Variants in STXBP5L observed in about 807,000 individuals in gnomAD.
The protein encoded by STXBP5L is syntaxin-binding protein 5-like.
Under a neutral mutation model 144.5 loss-of-function variants are expected in STXBP5L, and 65 were observed. The observed-to-expected ratio is 0.45, with a 90% CI of 0.37 to 0.55. The LOEUF (loss-of-function observed/expected upper bound fraction) is 0.55, where lower values mean the gene tolerates loss of function less well. STXBP5L is among the 20% of genes least tolerant of loss of function. The probability of loss-of-function intolerance (pLI) is 0.00; values close to 1 mark genes in which losing one functional copy is unlikely to be tolerated. For synonymous variants in STXBP5L, 505 were observed against 469.6 expected (o/e 1.08, Z -0.97); for missense variants, 1,298 against 1,405.5 (o/e 0.92, Z 1.22).
chr3:120,982,876 A>T (rs1456376162), intron 3 of STXBP5L, among the ~76,000 whole-genome samples: 1 of 152,008 alleles, frequency 6.6e-6, no homozygotes, highest in Non-Finnish European at 1.5e-5. Context: ...TCCTGGTTGG[A>T]CTGGACTGCT....
intron 2 of STXBP5L, among the ~76,000 whole-genome samples, chr3:120,922,215 C>A (rs1161822376): frequency 1.3e-5 from 2 of 151,634 alleles, no homozygotes; most frequent in Non-Finnish European, 3.0e-5. Flanking sequence ...ATTTTATATT[C>A]TTTGTAGCTA....
chr3:121,057,816 T>A (rs918447686), intron 5 of STXBP5L, among the ~76,000 whole-genome samples: 16 of 152,040 alleles, frequency 1.1e-4, no homozygotes, highest in African/African-American at 3.6e-4. Flanking sequence ...ATAATAAAAA[T>A]TTTTAAATTC....
At chr3:120,998,974 C>T (rs1943563802) in intron 3 of STXBP5L, among the ~76,000 whole-genome samples, 1 of 152,102 alleles carries the variant, frequency 6.6e-6, no homozygotes, top group African/African-American at 2.4e-5. Flanking sequence ...ATTGTTTACT[C>T]AAAAATCATT....
intron 3 of STXBP5L, among the ~76,000 whole-genome samples, chr3:121,034,036 T>A (rs142279608): frequency 6.6e-6 from 1 of 152,154 alleles, no homozygotes; most frequent in Non-Finnish European, 1.5e-5. Context: ...AACTAAGCTT[T>A]GGATATTATT....
intron 20 of STXBP5L, among the ~76,000 whole-genome samples, chr3:121,378,355 A>C (rs929178650): frequency 6.6e-6 from 1 of 152,152 alleles, no homozygotes; most frequent in African/African-American, 2.4e-5. Flanking sequence ...AAATGCTTCT[A>C]TTCTATCTTT....
chr3:120,957,854 G>A lies in STXBP5L; in HGVS notation c.287+2817G>A, dbSNP rs576633651. 8.1e-4 allele frequency among the ~76,000 whole-genome samples: 123 copies of A among 152,140 alleles called. 1 individual carries two copies. The highest frequency in any genetic ancestry group is 2.8e-3 in the African/African-American group (116 of 41,548). ...TAACATCACAATTAAAAGAACTAGA[G>A]AAGCAAGAGTAAATACATTCAAAAG... On this transcript the variant is annotated intron_variant, in intron 3 of 26. Transcript: ENST00000471454.
intron 3 of STXBP5L, among the ~76,000 whole-genome samples, chr3:121,010,103 G>T (rs1944657663): frequency 6.6e-6 from 1 of 151,738 alleles, no homozygotes; most frequent in Admixed American, 6.6e-5. Context: ...ATCATTTTTG[G>T]AGAACTCAGA....
chr3:121,355,589 A>G (rs111845906), intron 20 of STXBP5L, among the ~76,000 whole-genome samples: 2,930 of 151,972 alleles, frequency 0.019, 88 homozygotes, highest in African/African-American at 0.066. Context: ...ATTTCTTCTA[A>G]CCTTTTTTCA....
chr3:121,122,357 C>T (rs1348001808), intron 7 of STXBP5L, among the ~76,000 whole-genome samples: 2 of 151,062 alleles, frequency 1.3e-5, no homozygotes, highest in African/African-American at 4.8e-5. Context: ...AATTGGATCC[C>T]TTCAAATTGA....
At chr3:120,911,317 C>T (rs1055438217) in intron 2 of STXBP5L, among the ~76,000 whole-genome samples, 1 of 151,992 alleles carries the variant, frequency 6.6e-6, no homozygotes, top group African/African-American at 2.4e-5. Context: ...AAGAGATAGT[C>T]ATAGGAAGTA....
At chr3:120,927,294 G>A (rs1232174695) in intron 2 of STXBP5L, among the ~76,000 whole-genome samples, 7 of 152,278 alleles carry the variant, frequency 4.6e-5, no homozygotes, top group Non-Finnish European at 1.5e-5. Flanking sequence ...CTGGCTAGGG[G>A]TTCATGCCCA....
chr3:121,067,786 G>C (rs929717160), intron 5 of STXBP5L, among the ~76,000 whole-genome samples: 1 of 151,762 alleles, frequency 6.6e-6, no homozygotes, highest in African/African-American at 2.4e-5. Context: ...CTAAGTTGTT[G>C]GATGTATACA....
chr3:121,373,604 T>G (rs532953655), intron 20 of STXBP5L, among the ~76,000 whole-genome samples: 70 of 152,270 alleles, frequency 4.6e-4, no homozygotes, highest in African/African-American at 1.6e-3. Flanking sequence ...ACCTGAGCCA[T>G]GCAGCACCCT....
chr3:120,960,753 C>A (rs572792531), intron 3 of STXBP5L, among the ~76,000 whole-genome samples: 1 of 151,808 alleles, frequency 6.6e-6, no homozygotes, highest in Non-Finnish European at 1.5e-5. Flanking sequence ...CACCCTGGGG[C>A]CTGTTGTGGG....
chr3:121,349,169 A>G (rs913243329), intron 20 of STXBP5L, among the ~76,000 whole-genome samples: 8 of 151,996 alleles, frequency 5.3e-5, no homozygotes, highest in African/African-American at 1.9e-4. Context: ...CTTTGTTCTC[A>G]TTGGTTTCAA....
intron 5 of STXBP5L, among the ~76,000 whole-genome samples, chr3:121,112,255 C>T (rs1376382147): frequency 6.6e-6 from 1 of 152,068 alleles, no homozygotes; most frequent in African/African-American, 2.4e-5. Flanking sequence ...CAGCTCTGTT[C>T]TTGGGACCCA....
At chr3:121,148,717 T>TGGCA (rs1187437251) in intron 7 of STXBP5L, among the ~76,000 whole-genome samples, 1 of 152,094 alleles carries the variant, frequency 6.6e-6, no homozygotes, top group Non-Finnish European at 1.5e-5. Context: ...GAAAACTGCT[T>TGGCA]GGCAGTATCT....
chr3:121,017,970 C>G (rs1392937254), intron 3 of STXBP5L, among the ~76,000 whole-genome samples: 1 of 152,000 alleles, frequency 6.6e-6, no homozygotes, highest in Non-Finnish European at 1.5e-5. Context: ...TCCTAACTAC[C>G]CAGGAGGCTG....
chr3:121,160,369 A>G (rs903569569), intron 9 of STXBP5L, among the ~76,000 whole-genome samples: 3 of 152,202 alleles, frequency 2.0e-5, no homozygotes, highest in Non-Finnish European at 2.9e-5. Flanking sequence ...AGATTCAACA[A>G]AACCAAAGAT....
Sources: gnomAD v4.1 joint callset for allele counts (sites outside exome capture counted in the v4.1 genomes callset) on GRCh38, gnomAD v4.1.1 for gene constraint, MANE v1.5 for transcripts, NCBI Gene and HGNC (gene_info 2026-07-23, HGNC 2026-07-21) for gene names.